Variants in NUDC observed in about 807,000 individuals in gnomAD.
The protein encoded by NUDC is nuclear distribution C, dynein complex regulator.
Under a neutral mutation model 45.0 loss-of-function variants are expected in NUDC, and 14 were observed. The ratio of observed to expected loss-of-function variants is 0.31; its 90% CI spans 0.21 to 0.49. The LOEUF (loss-of-function observed/expected upper bound fraction) is 0.49. Ranked by LOEUF, NUDC falls within the 20% of genes least tolerant of loss-of-function variation. NUDC has a pLI of 0.99. For synonymous variants in NUDC, 153 were observed against 156.7 expected, an observed-to-expected ratio of 0.98 and a Z score of 0.17; for missense variants, 323 against 426.2, an observed-to-expected ratio of 0.76 and a Z score of 2.13.
At chr1:26,922,444 A>G (rs1319781174) in intron 1 of NUDC, 1 of 167,562 alleles carries the variant, frequency 6.0e-6, no homozygotes, top group African/African-American at 2.4e-5. Context: ...GAGTTTCCTT[A>G]TCTGTGAGAC....
Position 26,924,083 on chromosome 1 carries a change from T to C in NUDC, c.82-6T>C. The C allele has an allele frequency of 6.2e-7, 1 of 1,613,944 alleles. No individual in the cohort carries two copies. Among genetic ancestry groups the C allele is most frequent in the Non-Finnish European group, 8.5e-7 (1 of 1,179,870 alleles). Reference sequence around the variant, plus strand: ...CTACTACTTTAATCTTCTCCCCCTCTTTCAGCTTGTGAACACCTTCTTCAG... The same window carrying C: ...CTACTACTTTAATCTTCTCCCCCTCCTTCAGCTTGTGAACACCTTCTTCAG... On this transcript the variant is annotated splice_region_variant and splice_polypyrimidine_tract_variant and intron_variant, in intron 1 of 8. Transcript: ENST00000321265.
chr1:26,922,512 G>T (rs2082100093), intron 1 of NUDC: 1 of 154,878 alleles, frequency 6.5e-6, no homozygotes, highest in African/African-American at 2.4e-5. Flanking sequence ...CAGTAATAAG[G>T]CTTTTTCATT....
At chr1:26,923,883 GCA>G (rs1007426319) in intron 1 of NUDC, among the ~76,000 whole-genome samples, 2 of 151,986 alleles carry the variant, frequency 1.3e-5, no homozygotes, top group Non-Finnish European at 2.9e-5. Flanking sequence ...AGTGAAAGGC[GCA>G]CACACACACA....
chr1:26,931,560 C>T (rs2082184177), intron 2 of NUDC, among the ~76,000 whole-genome samples: 1 of 149,904 alleles, frequency 6.7e-6, no homozygotes, highest in South Asian at 2.2e-4. Flanking sequence ...GTGGGCGGAT[C>T]ATGAGGTCAG....
chr1:26,902,240 A>C (rs1166721728), intron 1 of NUDC: 1 of 152,228 alleles, frequency 6.6e-6, no homozygotes, highest in Non-Finnish European at 1.5e-5. Flanking sequence ...CCCACTGATC[A>C]GTTGGAACAA....
At chr1:26,945,102 A>G (rs2082308010) in intron 6 of NUDC, 2 of 532,214 alleles carry the variant, frequency 3.8e-6, no homozygotes, top group Non-Finnish European at 3.4e-6. Flanking sequence ...TTTGTGTCTT[A>G]AGACTCAGCC....
intron 2 of NUDC, among the ~76,000 whole-genome samples, chr1:26,927,726 G>A (rs933396538): frequency 4.6e-5 from 7 of 152,000 alleles, no homozygotes; most frequent in African/African-American, 1.2e-4. Flanking sequence ...AGAGGGAGCA[G>A]TCCTTACCTT....
intron 2 of NUDC, among the ~76,000 whole-genome samples, chr1:26,936,145 ATATATATATATATATATATATTTTTTTT>A (rs1197785738): frequency 2.3e-4 from 1 of 4,338 alleles, no homozygotes; most frequent in Non-Finnish European, 4.6e-4. Context: ...ATATATATAT[ATATATATATATATATATATATTTTTTTT>A]TTTTTTTTTT....
At chr1:26,906,131 T>C (rs1053624517) in intron 2 of NUDC, among the ~76,000 whole-genome samples, 1 of 152,022 alleles carries the variant, frequency 6.6e-6, no homozygotes, top group African/African-American at 2.4e-5. Context: ...AAATACACAA[T>C]TAGCAGGGCG....
chr1:26,916,445 TA>T (rs1019716024), intron 3 of NUDC, among the ~76,000 whole-genome samples: 2 of 152,030 alleles, frequency 1.3e-5, no homozygotes, highest in African/African-American at 4.8e-5. Context: ...TGAATATTTA[TA>T]TTTATTTGAT....
At chr1:26,911,721 G>T in intron 3 of NUDC, 1 of 1,127,508 alleles carries the variant, frequency 8.9e-7, no homozygotes, top group Non-Finnish European at 1.3e-6. Flanking sequence ...CTGTTCCTAA[G>T]GAGCCAAGTG....
intron 2 of NUDC, among the ~76,000 whole-genome samples, chr1:26,930,870 G>A (rs1404609097): frequency 6.6e-6 from 1 of 151,756 alleles, no homozygotes; most frequent in Non-Finnish European, 1.5e-5. Context: ...ACAAAAATTA[G>A]CTGGGCATGG....
upstream of NUDC, among the ~76,000 whole-genome samples, chr1:26,918,919 A>T (rs1036741536): frequency 6.6e-6 from 1 of 152,008 alleles, no homozygotes; most frequent in Non-Finnish European, 1.5e-5. Context: ...CTGGGATTAC[A>T]GGCGCACACC....
intron 2 of NUDC, among the ~76,000 whole-genome samples, chr1:26,926,058 C>G (rs1179500098): frequency 1.3e-5 from 2 of 151,108 alleles, no homozygotes; most frequent in African/African-American, 4.9e-5. Context: ...CTCTTTTTAT[C>G]CAGGCTGGAG....
intron 5 of NUDC, 42 bp from the exon 6 acceptor site, chr1:26,942,829 C>A (rs1218058987): frequency 6.2e-7 from 1 of 1,614,054 alleles, no homozygotes; most frequent in Non-Finnish European, 8.5e-7. Flanking sequence ...GGGGTACCAG[C>A]AGCACTTAGT....
At chr1:26,916,714 T>C (rs1241967357) in intron 3 of NUDC, among the ~76,000 whole-genome samples, 2 of 152,042 alleles carry the variant, frequency 1.3e-5, no homozygotes, top group Admixed American at 6.6e-5. Context: ...ATCTGGACTT[T>C]GGGGGCTGCA....
intron 2 of NUDC, among the ~76,000 whole-genome samples, chr1:26,909,571 T>C (rs990993852): frequency 2.0e-5 from 3 of 152,166 alleles, no homozygotes; most frequent in African/African-American, 7.2e-5. Context: ...AAGACCCAGC[T>C]TGAGGATTCA....
intron 2 of NUDC, among the ~76,000 whole-genome samples, chr1:26,905,156 TA>T (rs200206213): frequency 0.015 from 1,751 of 120,158 alleles, 22 homozygotes; most frequent in South Asian, 0.027. Flanking sequence ...TTATTATTAT[TA>T]TTTTTTTTTT....
intron 3 of NUDC, among the ~76,000 whole-genome samples, chr1:26,915,237 T>C (rs2082056499): frequency 6.6e-6 from 1 of 152,036 alleles, no homozygotes; most frequent in Non-Finnish European, 1.5e-5. Context: ...AAAGCCCAGA[T>C]CTTGCCTGAC....
Sources: gnomAD v4.1 joint callset for allele counts (sites outside exome capture counted in the v4.1 genomes callset) on GRCh38, gnomAD v4.1.1 for gene constraint, MANE v1.5 for transcripts, NCBI Gene and HGNC (gene_info 2026-07-23, HGNC 2026-07-21) for gene names.